The following EPM2A variants were observed in gnomAD, a reference collection of about 807,000 sequenced individuals.
EPM2A encodes EPM2A glucan phosphatase, laforin.
Under a neutral mutation model 26.5 loss-of-function variants are expected in EPM2A, and 21 were observed. That is an observed-to-expected ratio of 0.79 (90% CI 0.56 to 1.14). The LOEUF (loss-of-function observed/expected upper bound fraction) is 1.14, where lower values mean the gene tolerates loss of function less well. Among genes scored for constraint, EPM2A ranks in the 50% most tolerant of loss-of-function variants. The probability of loss-of-function intolerance (pLI) is 0.00; values close to 1 mark genes in which losing one functional copy is unlikely to be tolerated. For missense variants in EPM2A, 458 were observed against 440.8 expected, an observed-to-expected ratio of 1.04 and a Z score of -0.35; for synonymous variants, 217 against 177.6, an observed-to-expected ratio of 1.22 and a Z score of -1.76.
At chr6:145,434,612 T>A (rs117334371) in intron 4 of EPM2A, among the ~76,000 whole-genome samples, 2 of 152,338 alleles carry the variant, frequency 1.3e-5, no homozygotes, top group South Asian at 4.1e-4. Context: ...AGTTATTTTT[T>A]AGTTGAGATA....
chr6:145,530,789 T>C (rs1582828534), intron 2 of EPM2A, among the ~76,000 whole-genome samples: 2 of 152,130 alleles, frequency 1.3e-5, no homozygotes, highest in Admixed American at 6.6e-5. Flanking sequence ...GCAAACCTTA[T>C]GGAAATAGAG....
Position 145,609,942 on chromosome 6 carries a change from C to T in EPM2A, c.340+25303G>A, listed in dbSNP as rs9497370. Among the ~76,000 whole-genome samples the T allele has an allele frequency of 5.3e-3, 801 of 152,246 alleles. 4 individuals carry two copies. Among genetic ancestry groups the T allele is most frequent in the African/African-American group, 0.018 (764 of 41,528 alleles). The stretch of plus-strand genomic sequence containing the variant: ...CTTTTAAAAACATTTTTGGGCCAGG[C>T]GCAGTGGCTCATGCCTGTAATCCCA... On this transcript the variant is annotated intron_variant, in intron 2 of 3. Coordinates refer to the EPM2A transcript ENST00000450221.
chr6:145,635,234 C>A lies in EPM2A; in HGVS notation c.718+11G>T. On this transcript the variant is annotated intron_variant, in intron 3 of 3. Coordinates refer to ENST00000367519, the MANE Select transcript of EPM2A (RefSeq NM_005670.4). ...AATACAGCAAGGAGGCAGAACAGTT[C>A]TGATCCTTACCTTCGGTGCTCATAT... The A allele has an allele frequency of 6.2e-7, 1 of 1,614,116 alleles. No individual in the cohort carries two copies. Among genetic ancestry groups the A allele is most frequent in the South Asian group, 1.1e-5 (1 of 91,070 alleles).
intron 1 of EPM2A, among the ~76,000 whole-genome samples, chr6:145,702,155 C>T (rs1781949177): frequency 1.3e-5 from 2 of 152,286 alleles, no homozygotes; most frequent in South Asian, 2.1e-4. Flanking sequence ...CATTCTTCAG[C>T]GTCCTGCAAT....
chr6:145,630,032 T>C (rs1018390324), intron 3 of EPM2A: 1 of 152,230 alleles, frequency 6.6e-6, no homozygotes, highest in African/African-American at 2.4e-5. Flanking sequence ...ATAGCACAAA[T>C]GATGCAATAC....
At chr6:145,456,058 G>T (rs1779258649) in intron 4 of EPM2A, among the ~76,000 whole-genome samples, 2 of 152,090 alleles carry the variant, frequency 1.3e-5, no homozygotes, top group Admixed American at 1.3e-4. Context: ...ACCCTCTGTT[G>T]TGTTGTTCTT....
chr6:145,680,261 C>T (rs553631689), intron 2 of EPM2A: 1 of 151,270 alleles, frequency 6.6e-6, no homozygotes, highest in South Asian at 2.1e-4. Context: ...GCATGTATGC[C>T]TTGGCTAAAA....
At chr6:145,534,404 A>G (rs1263087841) in intron 2 of EPM2A, among the ~76,000 whole-genome samples, 2 of 152,266 alleles carry the variant, frequency 1.3e-5, no homozygotes, top group Non-Finnish European at 2.9e-5. Flanking sequence ...AATGCTAAAG[A>G]AAACCATACC....
At chr6:145,515,394 C>T (rs1780112107) in intron 2 of EPM2A, among the ~76,000 whole-genome samples, 1 of 152,156 alleles carries the variant, frequency 6.6e-6, no homozygotes, top group Non-Finnish European at 1.5e-5. Context: ...CCTGTTTGGT[C>T]TTCTGTAGTA....
At chr6:145,674,992 C>G (rs1257997143) in intron 2 of EPM2A, among the ~76,000 whole-genome samples, 2 of 152,022 alleles carry the variant, frequency 1.3e-5, no homozygotes, top group Non-Finnish European at 2.9e-5. Context: ...GTCAGATTCA[C>G]CAAGGTTAAA....
At chr6:145,490,999 C>T in intron 4 of EPM2A, 1 of 928,820 alleles carries the variant, frequency 1.1e-6, no homozygotes, top group Non-Finnish European at 1.7e-6. Flanking sequence ...ATCTTCACTT[C>T]AATTGTGCCT....
chr6:145,416,574 A>G (rs1279784068), intron 4 of EPM2A, among the ~76,000 whole-genome samples: 1 of 152,178 alleles, frequency 6.6e-6, no homozygotes, highest in Non-Finnish European at 1.5e-5. Flanking sequence ...AGGAATAAGG[A>G]TAACGTAGGG....
At chr6:145,440,613 C>A (rs996189361) in intron 4 of EPM2A, among the ~76,000 whole-genome samples, 1 of 152,172 alleles carries the variant, frequency 6.6e-6, no homozygotes, top group Non-Finnish European at 1.5e-5. Flanking sequence ...TAGTTACTTC[C>A]TAGATACAAT....
intron 2 of EPM2A, among the ~76,000 whole-genome samples, chr6:145,665,702 A>G (rs1387724841): frequency 1.4e-5 from 2 of 139,456 alleles, no homozygotes; most frequent in African/African-American, 5.5e-5. Context: ...CCAGGCAGAG[A>G]CACAACCAAA....
At chr6:145,637,280 T>C (rs539337095) in intron 2 of EPM2A, 3 of 152,364 alleles carry the variant, frequency 2.0e-5, no homozygotes, top group African/African-American at 7.2e-5. Flanking sequence ...TTTTTTTGTA[T>C]GAAAGCTAGC....
chr6:145,710,120 A>G (rs893910509), intron 1 of EPM2A, among the ~76,000 whole-genome samples: 4 of 152,114 alleles, frequency 2.6e-5, no homozygotes, highest in Admixed American at 6.5e-5. Flanking sequence ...GACAAATGGG[A>G]TCTAATTAAA....
intron 1 of EPM2A, among the ~76,000 whole-genome samples, chr6:145,734,403 G>C (rs1776693963): frequency 6.6e-6 from 1 of 151,988 alleles, no homozygotes; most frequent in South Asian, 2.1e-4. Context: ...TGTACAAGCA[G>C]TGTGCTTAAG....
At chr6:145,504,289 C>G (rs1241900123) in intron 2 of EPM2A, among the ~76,000 whole-genome samples, 1 of 109,682 alleles carries the variant, frequency 9.1e-6, no homozygotes, top group Admixed American at 9.1e-5. Context: ...AAAGAAACTA[C>G]CATCAGAGTG....
At chr6:145,516,076 C>G (rs971393299) in intron 2 of EPM2A, among the ~76,000 whole-genome samples, 9 of 152,162 alleles carry the variant, frequency 5.9e-5, no homozygotes. Context: ...CCTTCTCAAA[C>G]AGGATAATTA....
Sources: gnomAD v4.1 joint callset for allele counts (sites outside exome capture counted in the v4.1 genomes callset) on GRCh38, gnomAD v4.1.1 for gene constraint, MANE v1.5 for transcripts, NCBI Gene and HGNC (gene_info 2026-07-23, HGNC 2026-07-21) for gene names.